Variants in SEL1L3 observed in about 807,000 individuals in gnomAD.
SEL1L3 encodes protein sel-1 homolog 3.
Under a neutral mutation model 142.8 loss-of-function variants are expected in SEL1L3, and 76 were observed. The observed-to-expected ratio is 0.53, with a 90% confidence interval of 0.44 to 0.64. The LOEUF is 0.64. Among genes scored for constraint, SEL1L3 ranks in the 30% least tolerant of loss-of-function variants. SEL1L3 has a pLI of 0.00. For missense variants in SEL1L3, 1,262 were observed against 1,381.7 expected (o/e 0.91, Z 1.37); for synonymous variants, 504 against 519.6 (o/e 0.97, Z 0.41).
At chr4:25,832,643 A>G (rs1715520534) in intron 5 of SEL1L3, among the ~76,000 whole-genome samples, 1 of 152,162 alleles carries the variant, frequency 6.6e-6, no homozygotes, top group South Asian at 2.1e-4. Context: ...ATCTGATTAC[A>G]CTATATAAAC....
intron 21 of SEL1L3, among the ~76,000 whole-genome samples, chr4:25,758,677 T>C (rs1007314459): frequency 7.4e-6 from 1 of 135,534 alleles, no homozygotes; most frequent in Non-Finnish European, 1.6e-5. Flanking sequence ...TTTCTTTCTT[T>C]TTTTTTTTTT....
chr4:25,782,457 A>G lies in SEL1L3; in HGVS notation c.2281-39T>C. 3 of 1,580,236 alleles carry G rather than the reference A, an allele frequency of 1.9e-6. No homozygotes were observed. In the South Asian group the frequency reaches 3.4e-5, roughly 18 times the overall value. Reference sequence around the variant, plus strand: ...CAAGAAAGAAATTAACTTTAGAAAAATGAAATCTAGAGAGCTCTGGAAGCA... The same window carrying G: ...CAAGAAAGAAATTAACTTTAGAAAAGTGAAATCTAGAGAGCTCTGGAAGCA... On this transcript the variant is annotated intron_variant, in intron 14 of 23. Transcript: ENST00000399878.
chr4:25,761,504 T>A (rs1481074618), intron 20 of SEL1L3, among the ~76,000 whole-genome samples: 2 of 152,232 alleles, frequency 1.3e-5, no homozygotes, highest in African/African-American at 4.8e-5. Flanking sequence ...ATACCAAGAT[T>A]AAAATAAGTG....
At chr4:25,779,933 T>A (rs539685381) in intron 15 of SEL1L3, among the ~76,000 whole-genome samples, 2 of 152,282 alleles carry the variant, frequency 1.3e-5, no homozygotes, top group Admixed American at 1.3e-4. Flanking sequence ...CACTAAAAAA[T>A]GTGCCTTCAG....
intron 6 of SEL1L3, among the ~76,000 whole-genome samples, chr4:25,827,970 ACAGCTCCCAGG>A (rs1378385334): frequency 1.3e-5 from 2 of 152,172 alleles, no homozygotes; most frequent in African/African-American, 4.8e-5. Context: ...TTCTCCAAAG[ACAGCTCCCAGG>A]CTTCACTGTC....
rs374958684 is a variant in SEL1L3, at chr4:25,822,015, C to A, written c.1271G>T (p.Arg424Leu). Residue 424 changes from arginine (R) to leucine (L), a missense_variant, in exon 7 of 24, where the codon CGC becomes CTC. Physicochemically the swap from Arg to Leu is moderately radical, Grantham distance 102 (BLOSUM62 -2). Around this residue, in one of 3 missense-constraint regions of SEL1L3, gnomAD observed 689 missense variants for 692.8 expected, o/e 0.99. Coordinates refer to ENST00000399878, the MANE Select transcript of SEL1L3 (RefSeq NM_015187.5). Reference protein sequence around the residue: ...FFGPLKYYRLRSLHPAQIFNP... With the variant: ...FFGPLKYYRLLSLHPAQIFNP... ...ACTCACCTGGGCGGGGTGCAGACTG[C>A]GAAGGCGATAGTACTTCAGGGGTCC... The A allele has an allele frequency of 5.9e-5, 95 of 1,613,562 alleles. No individual in the cohort carries two copies. The highest frequency in any genetic ancestry group is 7.4e-5 in the Non-Finnish European group (87 of 1,179,820).
intron 9 of SEL1L3, among the ~76,000 whole-genome samples, chr4:25,806,856 T>TAAA (rs59558638): frequency 7.0e-6 from 1 of 142,668 alleles, no homozygotes; most frequent in African/African-American, 2.6e-5. Flanking sequence ...CAGCTTGTCG[T>TAAA]AAAAAAAAAA....
In SEL1L3 at chr4:25,756,514, G is replaced by GT. The variant is rs1452020377; in HGVS notation, c.3259+1019dup. ...TCACTTAATATTTTTTTCATTTTAT[G>GT]TTCCTAGGAAGTAGCTACTCTCATA... On this transcript the variant is annotated intron_variant, in intron 23 of 23. Transcript: ENST00000399878. The GT allele has an allele frequency of 3.1e-6, 3 of 979,762 alleles. No homozygotes were observed. The African/African-American group carries it at 5.3e-5, about 17-fold the overall frequency. 60.7% of individuals were successfully genotyped at this position (979,762 alleles called of 1,614,324 possible). A position where few individuals can be genotyped will look rare whatever the true frequency, so the allele number is the denominator to read the frequency against.
intron 2 of SEL1L3, among the ~76,000 whole-genome samples, chr4:25,839,771 T>C (rs1397131162): frequency 6.6e-6 from 1 of 152,288 alleles, no homozygotes; most frequent in African/African-American, 2.4e-5. Flanking sequence ...TTAAATTTTT[T>C]TATTGTTACC....
chr4:25,720,023 GA>G, the SEL1L3 span: 1 of 152,164 alleles, frequency 6.6e-6, no homozygotes, highest in Non-Finnish European at 1.5e-5. Flanking sequence ...AATGTAAATA[GA>G]GGGCATTTGG....
rs1373078471 is a variant in SEL1L3, at chr4:25,782,392, C to T, written c.2307G>A (p.Leu769=). The change falls in exon 15 of 24, where the codon CTG becomes CTA. Residue 769 remains leucine, a synonymous_variant. Transcript: ENST00000399878. ...SKGLHQAVNG[L]GWYYHKFKKN... ...TCTTGAATTTGTGGTAATACCATCC[C>T]AGGCCATTGACTGCCTGATGCAATC... 1 of 1,613,618 alleles carries T rather than the reference C, an allele frequency of 6.2e-7. No homozygotes were observed. The highest frequency in any genetic ancestry group is 1.7e-5 in the Admixed American group (1 of 59,986).
chr4:25,851,058 C>T (rs1421540310), intron 1 of SEL1L3, among the ~76,000 whole-genome samples: 1 of 152,070 alleles, frequency 6.6e-6, no homozygotes, highest in African/African-American at 2.4e-5. Flanking sequence ...ACGATGTTGG[C>T]CAGGCTGGTC....
chr4:25,818,850 A>C (rs1468252677), intron 8 of SEL1L3, among the ~76,000 whole-genome samples: 4 of 152,172 alleles, frequency 2.6e-5, no homozygotes, highest in Non-Finnish European at 5.9e-5. Context: ...GCCTATTCTT[A>C]AATTGAATTG....
chr4:25,838,504 T>C (rs1030390047), intron 2 of SEL1L3, among the ~76,000 whole-genome samples: 7 of 152,166 alleles, frequency 4.6e-5, no homozygotes, highest in Non-Finnish European at 1.0e-4. Context: ...TGCAAACCAA[T>C]GGGCTTTTCT....
At chr4:25,733,824 G>A in the SEL1L3 span, among the ~76,000 whole-genome samples, 1 of 152,046 alleles carries the variant, frequency 6.6e-6, no homozygotes. Flanking sequence ...CAGTTTGTTT[G>A]TTTTTACAAA....
At chr4:25,859,020 A>C (rs558524619) in intron 1 of SEL1L3, among the ~76,000 whole-genome samples, 1 of 152,366 alleles carries the variant, frequency 6.6e-6, no homozygotes, top group Admixed American at 6.5e-5. Context: ...CATATAAGAA[A>C]ATATTATACT....
rs770464699 is a variant in SEL1L3, at chr4:25,767,591, A to G, written c.2779T>C (p.Leu927=). 1 of 1,600,492 alleles carries G rather than the reference A, an allele frequency of 6.2e-7. No homozygotes were observed. The highest frequency in any genetic ancestry group is 8.5e-7 in the Non-Finnish European group (1 of 1,171,116). ...TATCTCCAAACACAGTTAACACCCA[A>G]GTATCTCCTGGCCAGGTCCTAAGGG... ...EERPDLARRY[L]GVNCVWRYYN... is the part of the protein sequence containing the mutation. Residue 927 remains leucine, a synonymous_variant, in exon 19 of 24, where the codon TTG becomes CTG. Coordinates refer to ENST00000399878, the MANE Select transcript of SEL1L3 (RefSeq NM_015187.5).
intron 9 of SEL1L3, among the ~76,000 whole-genome samples, chr4:25,817,355 T>C (rs1274845983): frequency 6.6e-6 from 1 of 152,194 alleles, no homozygotes. Flanking sequence ...AGTTGGCAAC[T>C]CCCTGCTAGG....
chr4:25,725,946 T>C, the SEL1L3 span, among the ~76,000 whole-genome samples: 1 of 152,268 alleles, frequency 6.6e-6, no homozygotes, highest in South Asian at 2.1e-4. Context: ...CTGCATCCTG[T>C]TTTATCAGCA....
Sources: gnomAD v4.1 joint callset for allele counts (sites outside exome capture counted in the v4.1 genomes callset) on GRCh38, gnomAD v4.1.1 for gene constraint, gnomAD v4.1.1 regional missense constraint, MANE v1.5 for transcripts, NCBI Gene and HGNC (gene_info 2026-07-23, HGNC 2026-07-21) for gene names.